Variants in SMYD1 observed in about 807,000 individuals in gnomAD.
The protein encoded by SMYD1 is histone-lysine N-methyltransferase SMYD1.
A neutral mutation model predicts 54.0 loss-of-function variants in SMYD1; 49 were observed. The ratio of observed to expected loss-of-function variants is 0.91; its 90% confidence interval spans 0.72 to 1.15. The LOEUF is 1.15. Among genes scored for constraint, SMYD1 ranks in the 50% most tolerant of loss-of-function variants. The pLI, the probability that SMYD1 is intolerant of heterozygous loss-of-function variation, is 0.00. For missense variants in SMYD1, 653 were observed against 639.6 expected (o/e 1.02, Z -0.23); for synonymous variants, 269 against 234.2 (o/e 1.15, Z -1.36).
Position 88,106,369 on chromosome 2 carries a change from G to T in SMYD1, c.1026G>T (p.Val342=). 1 of 1,614,152 alleles carries T rather than the reference G, an allele frequency of 6.2e-7. No homozygotes were observed. The highest frequency in any genetic ancestry group is 8.5e-7 in the Non-Finnish European group (1 of 1,180,018). The change falls in exon 8 of 10, where the codon GTG becomes GTT. Residue 342 remains valine, a synonymous_variant. Transcript: ENST00000419482. ...CRECLEKQEP[V]FADTNIYMLR... is the part of the protein sequence containing the mutation. ...AGTGCCTGGAGAAGCAGGAGCCAGT[G>T]TTTGCTGACACCAACATCTACATGC... is the stretch of plus-strand genomic sequence containing the variant.
intron 1 of SMYD1, chr2:88,083,072 T>C (rs775730656): frequency 1.3e-5 from 2 of 152,212 alleles, no homozygotes; most frequent in Non-Finnish European, 2.9e-5. Context: ...AATTCTGTGA[T>C]TCTAAAAGCT....
At chr2:88,086,984 C>CT (rs1320531993) in intron 2 of SMYD1, among the ~76,000 whole-genome samples, 4 of 108,198 alleles carry the variant, frequency 3.7e-5, no homozygotes, top group African/African-American at 1.4e-4. Flanking sequence ...TCCCTCCCCC[C>CT]TCCCCCCACC....
intron 6 of SMYD1, among the ~76,000 whole-genome samples, chr2:88,098,266 C>A (rs1674638871): frequency 2.0e-5 from 3 of 152,184 alleles, no homozygotes; most frequent in Non-Finnish European, 2.9e-5. Context: ...AATAAAACAA[C>A]CATGCGATCA....
At chr2:88,095,238 G>A (rs994554183) in intron 5 of SMYD1, among the ~76,000 whole-genome samples, 14 of 152,140 alleles carry the variant, frequency 9.2e-5, no homozygotes, top group African/African-American at 2.9e-4. Flanking sequence ...TATAGTAACC[G>A]CTGCTGCTGA....
At chr2:88,101,453 T>C (rs1309753811) in intron 6 of SMYD1, among the ~76,000 whole-genome samples, 1 of 152,234 alleles carries the variant, frequency 6.6e-6, no homozygotes, top group African/African-American at 2.4e-5. Flanking sequence ...GACAGATATA[T>C]GGTATAATTC....
chr2:88,106,865 T>C (rs559784855), intron 8 of SMYD1, among the ~76,000 whole-genome samples: 1 of 152,266 alleles, frequency 6.6e-6, no homozygotes, highest in African/African-American at 2.4e-5. Flanking sequence ...ATTTATTTAT[T>C]TATTTATTTT....
chr2:88,077,192 G>A (rs1208236053), intron 1 of SMYD1, among the ~76,000 whole-genome samples: 2 of 152,170 alleles, frequency 1.3e-5, no homozygotes, highest in Non-Finnish European at 2.9e-5. Flanking sequence ...TTATCTGTCC[G>A]TGAGCAACTA....
At chr2:88,070,601 C>A (rs190581087) in intron 1 of SMYD1, among the ~76,000 whole-genome samples, 1 of 152,140 alleles carries the variant, frequency 6.6e-6, no homozygotes, top group Non-Finnish European at 1.5e-5. Context: ...CATGCCTGCT[C>A]CAAAGGTAAT....
intron 7 of SMYD1, among the ~76,000 whole-genome samples, chr2:88,105,045 T>C (rs1390981532): frequency 6.6e-6 from 1 of 152,222 alleles, no homozygotes; most frequent in African/African-American, 2.4e-5. Flanking sequence ...CAGGGGCTTA[T>C]ACAAACTACA....
chr2:88,083,095 T>C (rs1039673649), intron 1 of SMYD1: 4 of 152,204 alleles, frequency 2.6e-5, no homozygotes, highest in African/African-American at 7.2e-5. Flanking sequence ...TGTGTTCTTA[T>C]ACTTTGGAGA....
chr2:88,068,533 T>C (rs1197649052), intron 1 of SMYD1, among the ~76,000 whole-genome samples: 1 of 152,134 alleles, frequency 6.6e-6, no homozygotes, highest in African/African-American at 2.4e-5. Flanking sequence ...TATTTCAATG[T>C]ATTTCCTTCT....
chr2:88,087,118 C>A (rs1348533491), intron 2 of SMYD1, among the ~76,000 whole-genome samples: 2 of 147,928 alleles, frequency 1.4e-5, no homozygotes, highest in Non-Finnish European at 3.0e-5. Flanking sequence ...TACTTTCACA[C>A]ACAATGCAGA....
rs762612149 is a variant in SMYD1 at position 88,067,903 on chromosome 2, C to T, written c.39C>T (p.Thr13=). ...IGRMENVEVF[T]AEGKGRGLKA... ...GAATGGAGAACGTGGAGGTCTTCAC[C>T]GCTGAGGGCAAAGGAAGGGGTCTGA... is the stretch of plus-strand genomic sequence containing the variant. Residue 13 remains threonine, a synonymous_variant, in exon 1 of 10, where the codon ACC becomes ACT. Coordinates refer to ENST00000419482, the MANE Select transcript of SMYD1 (RefSeq NM_198274.4). 13 of 1,613,864 alleles carry T rather than the reference C, an allele frequency of 8.1e-6. No individual in the cohort carries two copies. The highest frequency in any genetic ancestry group is 6.7e-5 in the East Asian group (3 of 44,892).
intron 6 of SMYD1, 144 bp from the exon 7 acceptor site, chr2:88,102,914 G>C: frequency 3.2e-6 from 2 of 624,728 alleles, no homozygotes; most frequent in South Asian, 3.8e-5. Flanking sequence ...CAGGATCTTG[G>C]GTAGCATTTA....
chr2:88,068,051 A>C (rs1460769117), intron 1 of SMYD1, 50 bp downstream of exon 1: 1 of 1,577,378 alleles, frequency 6.3e-7, no homozygotes. Flanking sequence ...GGCTGGGGCC[A>C]AACTCTAAAA....
At chr2:88,068,059 A>T (rs978291731) in intron 1 of SMYD1, 58 bp downstream of exon 1, 9 of 1,547,956 alleles carry the variant, frequency 5.8e-6, no homozygotes, top group Non-Finnish European at 7.9e-6. Context: ...CCAAACTCTA[A>T]AATACTTTGC....
rs200239958 is a variant in SMYD1 at position 88,103,098 on chromosome 2, A to G, written c.929A>G (p.Lys310Arg). Residue 310 changes from lysine to arginine, a missense_variant, in exon 7 of 10, where the codon AAG becomes AGG. Coordinates refer to ENST00000419482, the MANE Select transcript of SMYD1 (RefSeq NM_198274.4). ...GTGAAGGAGATGATACAATTCTCCA[A>G]GGATACATTGGAAAAGATAGACAAG... ...EVVKEMIQFSKDTLEKIDKAR... is the reference protein window; with the variant it reads ...EVVKEMIQFSRDTLEKIDKAR... The G allele has an allele frequency of 6.2e-6, 10 of 1,614,036 alleles. No homozygotes were observed. Among genetic ancestry groups the G allele is most frequent in the Non-Finnish European group, 8.5e-6 (10 of 1,180,012 alleles).
At chr2:88,103,969 C>CTT (rs111800051) in intron 7 of SMYD1, among the ~76,000 whole-genome samples, 8 of 142,274 alleles carry the variant, frequency 5.6e-5, no homozygotes, top group African/African-American at 7.7e-5. Flanking sequence ...ATTTCTATTT[C>CTT]TTTTTTTTTT....
intron 7 of SMYD1, among the ~76,000 whole-genome samples, 165 bp downstream of exon 7, chr2:88,103,315 C>A (rs1023475309): frequency 2.0e-5 from 3 of 152,056 alleles, no homozygotes; most frequent in Non-Finnish European, 4.4e-5. Context: ...TCTTCTTGTC[C>A]GTAAATCTTT....
Sources: allele counts gnomAD v4.1 joint callset (sites outside exome capture counted in the v4.1 genomes callset), GRCh38; gene constraint gnomAD v4.1.1; transcripts MANE v1.5; gene names NCBI Gene and HGNC (gene_info 2026-07-23, HGNC 2026-07-21).